The following UBE2H variants were observed in gnomAD, a reference collection of about 807,000 sequenced individuals.
UBE2H encodes ubiquitin conjugating enzyme E2 H.
UBE2H carries 3 observed loss-of-function variants against 29.0 expected under a neutral mutation model. The ratio of observed to expected loss-of-function variants is 0.10; its 90% CI spans 0.05 to 0.27. The LOEUF (loss-of-function observed/expected upper bound fraction) is 0.27. Among genes scored for constraint, UBE2H ranks in the 10% least tolerant of loss-of-function variants. The probability of loss-of-function intolerance (pLI) is 1.00; values close to 1 mark genes in which losing one functional copy is unlikely to be tolerated. For synonymous variants in UBE2H, 69 were observed against 82.9 expected (o/e 0.83, Z 0.91); for missense variants, 68 against 228.2 (o/e 0.30, Z 4.52).
At chr7:129,887,504 G>A (rs938642125) in intron 1 of UBE2H, among the ~76,000 whole-genome samples, 1 of 152,092 alleles carries the variant, frequency 6.6e-6, no homozygotes, top group African/African-American at 2.4e-5. Context: ...ATGGGAGTGA[G>A]CCACCACGCC....
chr7:129,833,135 G>A lies in UBE2H; in HGVS notation c.*1802C>T, dbSNP rs989007668. 2.0e-5 allele frequency: 3 copies of A among 150,982 alleles called. No individual in the cohort carries two copies. Among genetic ancestry groups the A allele is most frequent in the Middle Eastern group, 3.2e-3 (1 of 314 alleles). 9.4% of individuals were successfully genotyped at this position (150,982 alleles called of 1,614,324 possible). A position where few individuals can be genotyped will look rare whatever the true frequency, so the allele number is the denominator to read the frequency against. ...AAAGAAAACCTTTTGCTTCATGCCC[G>A]TAATTAACATAAAGTAAGTAAATTC... On this transcript the variant is annotated 3_prime_UTR_variant, in exon 7 of 7. Coordinates refer to ENST00000355621, the MANE Select transcript of UBE2H (RefSeq NM_003344.4).
rs147228151 is a variant in UBE2H at position 129,924,616 on chromosome 7, T to TCACACACACACA, written c.53+27875_53+27886dup. On this transcript the variant is annotated intron_variant, in intron 1 of 6. Transcript: ENST00000355621. Reference sequence around the variant, plus strand: ...ATATGGTTGTGAAGGCCTTTTACATTCACACACACACACACACACACACAC... The same window carrying TCACACACACACA: ...ATATGGTTGTGAAGGCCTTTTACATTCACACACACACACACACACACACACACACACACACAC... Among the ~76,000 whole-genome samples, 917 of 143,988 alleles carry TCACACACACACA rather than the reference T, an allele frequency of 6.4e-3. 5 individuals carry two copies. Among genetic ancestry groups the TCACACACACACA allele is most frequent in the African/African-American group, 0.016 (632 of 39,270 alleles). 94.5% of individuals were successfully genotyped at this position (143,988 alleles called of 152,430 possible).
intron 5 of UBE2H, 98 bp downstream of exon 5, chr7:129,857,413 T>A (rs1333885032): frequency 3.2e-5 from 43 of 1,330,090 alleles, no homozygotes; most frequent in Non-Finnish European, 1.9e-5. Flanking sequence ...CCCTTCCCAT[T>A]ACCAACAAAA....
chr7:129,943,961 T>C (rs1304670346), intron 1 of UBE2H, among the ~76,000 whole-genome samples: 1 of 152,182 alleles, frequency 6.6e-6, no homozygotes, highest in Non-Finnish European at 1.5e-5. Context: ...ATTTGTTTTA[T>C]TGATAAAAAA....
intron 6 of UBE2H, among the ~76,000 whole-genome samples, chr7:129,836,966 G>A (rs1805342316): frequency 6.7e-6 from 1 of 150,340 alleles, no homozygotes; most frequent in Non-Finnish European, 1.5e-5. Flanking sequence ...CTGAATGGCA[G>A]GCAAAGATGT....
chr7:129,845,867 C>T (rs544932193), intron 5 of UBE2H, among the ~76,000 whole-genome samples: 62 of 152,256 alleles, frequency 4.1e-4, no homozygotes, highest in Non-Finnish European at 6.8e-4. Flanking sequence ...ATTGCTATTC[C>T]TTACAGGGAA....
At chr7:129,864,957 G>A (rs889923367) in intron 3 of UBE2H, 25 of 322,190 alleles carry the variant, frequency 7.8e-5, no homozygotes, top group African/African-American at 3.7e-4. Flanking sequence ...TCTAGCACTC[G>A]TTAAAGGGGA....
At chr7:129,915,318 C>CGA (rs371011010) in intron 1 of UBE2H, among the ~76,000 whole-genome samples, 90 of 152,214 alleles carry the variant, frequency 5.9e-4, no homozygotes, top group Middle Eastern at 3.4e-3. Context: ...GGGCAGATCA[C>CGA]GAGGTCAGGA....
chr7:129,938,719 A>G (rs1430750851), intron 1 of UBE2H, among the ~76,000 whole-genome samples: 1 of 151,508 alleles, frequency 6.6e-6, no homozygotes, highest in African/African-American at 2.4e-5. Context: ...AAAAAAAAAA[A>G]CAAAGCCGAC....
At chr7:129,877,729 T>C (rs1014138407) in intron 3 of UBE2H, among the ~76,000 whole-genome samples, 4 of 152,332 alleles carry the variant, frequency 2.6e-5, no homozygotes, top group African/African-American at 4.8e-5. Flanking sequence ...GGAGGCTTTT[T>C]GTGTCATTAG....
chr7:129,872,392 A>G (rs1335732794), intron 3 of UBE2H, among the ~76,000 whole-genome samples: 1 of 152,208 alleles, frequency 6.6e-6, no homozygotes, highest in Non-Finnish European at 1.5e-5. Flanking sequence ...TAGGTAGTTT[A>G]GTCATGCCAT....
At chr7:129,946,854 A>G (rs1807775415) in intron 1 of UBE2H, among the ~76,000 whole-genome samples, 1 of 152,210 alleles carries the variant, frequency 6.6e-6, no homozygotes. Context: ...ACTAACAGGT[A>G]CACTCTGTAG....
chr7:129,930,249 C>T (rs1392151551), intron 1 of UBE2H, among the ~76,000 whole-genome samples: 1 of 152,070 alleles, frequency 6.6e-6, no homozygotes, highest in Non-Finnish European at 1.5e-5. Context: ...GCAACCTCTG[C>T]CTCCTGGGTT....
At chr7:129,951,488 A>C (rs1807875160) in intron 1 of UBE2H, among the ~76,000 whole-genome samples, 1 of 124,896 alleles carries the variant, frequency 8.0e-6, no homozygotes, top group Non-Finnish European at 1.9e-5. Context: ...ACTACCCTTC[A>C]AAAAAAAAAA....
At chr7:129,864,788 G>C (rs1005734841) in intron 3 of UBE2H, among the ~76,000 whole-genome samples, 2 of 151,776 alleles carry the variant, frequency 1.3e-5, no homozygotes, top group Admixed American at 6.6e-5. Context: ...TCCTGACCTC[G>C]TGATCCACCC....
At position 129,885,904 on chromosome 7, in the gene UBE2H, G is replaced by A. The variant is rs79796283; in HGVS notation, c.54-4933C>T. 5.0e-4 allele frequency among the ~76,000 whole-genome samples: 76 copies of A among 152,262 alleles called. 2 individuals carry two copies. In the East Asian group the frequency reaches 0.014, roughly 29 times the overall value. ...ATAATTACTTCACTGCTGTTACCACGTGTATTTATGGGAGAGACCACGAGT... is the reference window on the plus strand; with the variant it reads ...ATAATTACTTCACTGCTGTTACCACATGTATTTATGGGAGAGACCACGAGT... On this transcript the variant is annotated intron_variant, in intron 1 of 6. Coordinates refer to ENST00000355621, the MANE Select transcript of UBE2H (RefSeq NM_003344.4).
chr7:129,933,055 A>G (rs1235595122), intron 1 of UBE2H, among the ~76,000 whole-genome samples: 1 of 152,214 alleles, frequency 6.6e-6, no homozygotes, highest in Non-Finnish European at 1.5e-5. Flanking sequence ...TTATGTGTAT[A>G]TACATTTAAA....
intron 3 of UBE2H, among the ~76,000 whole-genome samples, chr7:129,877,496 T>C (rs191365879): frequency 1.1e-3 from 173 of 152,288 alleles, no homozygotes; most frequent in African/African-American, 3.7e-3. Context: ...GCACAACTGA[T>C]TGAAACTCTC....
chr7:129,952,375 G>A (rs1173933208), intron 1 of UBE2H, 128 bp downstream of exon 1: 2 of 1,188,184 alleles, frequency 1.7e-6, no homozygotes, highest in Non-Finnish European at 2.3e-6. Context: ...CGTAGGCACT[G>A]GGGGAGGAGG....
Sources: allele counts gnomAD v4.1 joint callset (sites outside exome capture counted in the v4.1 genomes callset), GRCh38; gene constraint gnomAD v4.1.1; transcripts MANE v1.5; gene names NCBI Gene and HGNC (gene_info 2026-07-23, HGNC 2026-07-21).